Variants in YJU2 observed in about 807,000 individuals in gnomAD.
The protein encoded by YJU2 is splicing factor YJU2.
A neutral mutation model predicts 39.6 loss-of-function variants in YJU2; 28 were observed. That is an observed-to-expected ratio of 0.71 (90% CI 0.52 to 0.97). The LOEUF is 0.97. Among genes scored for constraint, YJU2 ranks in the 50% least tolerant of loss-of-function variants. The pLI, the probability that YJU2 is intolerant of heterozygous loss-of-function variation, is 0.00. For missense variants in YJU2, 328 were observed against 430.4 expected (o/e 0.76, Z 2.11); for synonymous variants, 184 against 182.4 (o/e 1.01, Z -0.07).
At position 4,251,154 on chromosome 19, in the gene YJU2, G is replaced by A; in HGVS notation, c.253G>A (p.Ala85Thr). 1 of 1,613,986 alleles carries A rather than the reference G, an allele frequency of 6.2e-7. No individual in the cohort carries two copies. Among genetic ancestry groups the A allele is most frequent in the Non-Finnish European group, 8.5e-7 (1 of 1,179,978 alleles). Residue 85 changes from alanine (A) to threonine (T), a missense_variant, in exon 3 of 8, where the codon GCA becomes ACA. Physicochemically the swap from Ala to Thr is moderately conservative, Grantham distance 58. Coordinates refer to ENST00000262962, the MANE Select transcript of YJU2 (RefSeq NM_018074.6). ...TTACATCAAGTGCACGCGCTGCCTGGCAGAGATCACCTTCAAGGTAGGTGA... is the reference window on the plus strand; with the variant it reads ...TTACATCAAGTGCACGCGCTGCCTGACAGAGATCACCTTCAAGGTAGGTGA... ...RFYIKCTRCL[A>T]EITFKTDPEN... is the part of the protein sequence containing the mutation.
chr19:4,267,856 G>C lies in YJU2; in HGVS notation c.859+82G>C, dbSNP rs184119530. On this transcript the variant is annotated intron_variant, in intron 7 of 7. Coordinates refer to ENST00000262962, the MANE Select transcript of YJU2 (RefSeq NM_018074.6). ...CAGCAGCTCCCTTTGCAGTTACAGA[G>C]ACTTCATGGGGTGGGTGGGGGCGGC... The C allele has an allele frequency of 1.2e-5, 16 of 1,355,678 alleles. No individual in the cohort carries two copies. The Admixed American group carries it at 3.3e-4, about 28-fold the overall frequency. The allele number at this position is 1,355,678 out of a possible 1,614,324, so 84.0% of individuals were successfully genotyped here.
chr19:4,258,456 T>TCGCAGCCTCTGCCCCGGCAGG (rs1163685349), intron 5 of YJU2, 33 bp downstream of exon 5: 27 of 1,550,454 alleles, frequency 1.7e-5, no homozygotes, highest in Admixed American at 7.9e-5. Flanking sequence ...CAGCCCCACC[T>TCGCAGCCTCTGCCCCGGCAGG]CGCAGCCTCT....
At chr19:4,252,118 T>TATTCA (rs1268765964) in intron 3 of YJU2, among the ~76,000 whole-genome samples, 1 of 152,184 alleles carries the variant, frequency 6.6e-6, no homozygotes, top group Non-Finnish European at 1.5e-5. Flanking sequence ...TTCCTATGCT[T>TATTCA]AAGTACTCTT....
Position 4,268,659 on chromosome 19 carries a change from C to T in YJU2, c.935C>T (p.Ala312Val). The change falls in exon 8 of 8, where the codon GCA becomes GTA. Residue 312 changes from alanine (A) to valine (V), a missense_variant. Ala to Val is a moderately conservative substitution (Grantham distance 64, BLOSUM62 0). Coordinates refer to ENST00000262962, the MANE Select transcript of YJU2 (RefSeq NM_018074.6). ...GCGTCCTCCCTGAGCCAACTGGGTGCATACCTGGACAGTGACGACAGCAAC... is the reference window on the plus strand; with the variant it reads ...GCGTCCTCCCTGAGCCAACTGGGTGTATACCTGGACAGTGACGACAGCAAC... ...PGASSLSQLGAYLDSDDSNGS... is the reference protein window; with the variant it reads ...PGASSLSQLGVYLDSDDSNGS... 1.2e-6 allele frequency: 2 copies of T among 1,613,886 alleles called. No individual in the cohort carries two copies. Among genetic ancestry groups the T allele is most frequent in the South Asian group, 2.2e-5 (2 of 91,068 alleles).
chr19:4,248,735 A>T (rs914928343), intron 1 of YJU2, among the ~76,000 whole-genome samples: 1 of 152,184 alleles, frequency 6.6e-6, no homozygotes, highest in East Asian at 1.9e-4. Flanking sequence ...CCTGGCCAAC[A>T]TGGTGAAACC....
At chr19:4,249,036 A>G (rs7248755) in intron 1 of YJU2, among the ~76,000 whole-genome samples, 192 bp from the exon 2 acceptor site, 58,930 of 151,968 alleles carry the variant, frequency 0.39, 12,750 homozygotes, top group African/African-American at 0.58. Context: ...TAACTCCACT[A>G]GGAGAGAGTC....
At chr19:4,254,591 G>T (rs1241847013) in intron 4 of YJU2, 102 bp downstream of exon 4, 1 of 1,434,924 alleles carries the variant, frequency 7.0e-7, no homozygotes, top group Non-Finnish European at 9.2e-7. Flanking sequence ...AAGGAAGGAA[G>T]ATGGGGTGGG....
chr19:4,263,409 C>G lies in YJU2; in HGVS notation c.708+1295C>G, dbSNP rs919928269. Reference sequence around the variant, plus strand: ...TCAGATGCGGCCCACCTCAGTTCTTCTCTCATGCCAGAGGCCACAGCATAG... The same window carrying G: ...TCAGATGCGGCCCACCTCAGTTCTTGTCTCATGCCAGAGGCCACAGCATAG... On this transcript the variant is annotated intron_variant, in intron 6 of 7. Transcript: ENST00000262962. Among the ~76,000 whole-genome samples the G allele has an allele frequency of 6.6e-5, 10 of 152,198 alleles. No individual in the cohort carries two copies. The South Asian group carries it at 2.1e-3, about 31-fold the overall frequency.
At chr19:4,268,496 C>T in intron 7 of YJU2, 88 bp from the exon 8 acceptor site, 1 of 896,514 alleles carries the variant, frequency 1.1e-6, no homozygotes, top group South Asian at 1.5e-5. Flanking sequence ...CTGGACCTTG[C>T]AAACCTGCAG....
Position 4,261,978 on chromosome 19 carries a change from A to G in YJU2, c.588-16A>G. The stretch of plus-strand genomic sequence containing the variant: ...CCAAACAGAGCACGTCCAAGTTCCC[A>G]TCTTCCATCCCACAGGGCCCTGTTG... On this transcript the variant is annotated splice_polypyrimidine_tract_variant and intron_variant, in intron 5 of 7. Transcript: ENST00000262962. 6.2e-7 allele frequency: 1 copy of G among 1,611,872 alleles called. No homozygotes were observed. Among genetic ancestry groups the G allele is most frequent in the South Asian group, 1.1e-5 (1 of 90,990 alleles).
In YJU2 at chr19:4,247,573, GGGGTGGCGC is replaced by G. The variant is rs1568359430; in HGVS notation, c.24+405_24+413del. Among the ~76,000 whole-genome samples the G allele has an allele frequency of 4.2e-4, 37 of 87,680 alleles. 6 individuals carry two copies. Among genetic ancestry groups the G allele is most frequent in the African/African-American group, 3.2e-3 (33 of 10,320 alleles). The allele number at this position is 87,680 out of a possible 152,430, so 57.5% of individuals were successfully genotyped here. ...TCGTGTACTTTGGGTGGGGTGGGGT[GGGGTGGCGC>G]GTGTGTGTGTGTGTGTGTGTGTGTG... On this transcript the variant is annotated intron_variant, in intron 1 of 7. Transcript: ENST00000262962.
intron 4 of YJU2, among the ~76,000 whole-genome samples, chr19:4,257,852 T>C (rs962807096): frequency 1.7e-4 from 26 of 151,966 alleles, no homozygotes; most frequent in Admixed American, 1.6e-3. Flanking sequence ...ATCCGCCCGC[T>C]CCGGCCTCCC....
intron 4 of YJU2, among the ~76,000 whole-genome samples, chr19:4,256,193 T>A (rs796292371): frequency 0.04 from 5,805 of 145,122 alleles, 187 homozygotes; most frequent in South Asian, 0.14. Flanking sequence ...TATATATATA[T>A]ATATATATAT....
In YJU2 at chr19:4,263,304, C is replaced by T. The variant is rs187659234; in HGVS notation, c.708+1190C>T. Among the ~76,000 whole-genome samples the T allele has an allele frequency of 2.5e-3, 384 of 152,280 alleles. 1 individual carries two copies. The highest frequency in any genetic ancestry group is 8.9e-3 in the African/African-American group (368 of 41,566). On this transcript the variant is annotated intron_variant, in intron 6 of 7. Transcript: ENST00000262962. ...CTTCCTTCTGGAGCACGGCTTCCTG[C>T]GCTGTGGCCACAGCTGGCTCAGAGC...
rs1568359657 is a variant in YJU2, at chr19:4,247,645, GTGTGT to G, written c.24+476_24+480del. Among the ~76,000 whole-genome samples, 61 of 67,676 alleles carry G rather than the reference GTGTGT, an allele frequency of 9.0e-4. 5 individuals are homozygous for G. The highest frequency in any genetic ancestry group is 3.5e-3 in the South Asian group (5 of 1,416). The allele number at this position is 67,676 out of a possible 152,430, so 44.4% of individuals were successfully genotyped here. ...TGTGTGTGTGTGTGTGTGTGTGTGT[GTGTGT>G]GTGTGTGTGTGTGTGTGTGTGTGTG... is the stretch of plus-strand genomic sequence containing the variant. On this transcript the variant is annotated intron_variant, in intron 1 of 7. Transcript: ENST00000262962.
chr19:4,262,000 G>C lies in YJU2; in HGVS notation c.594G>C (p.Leu198=). 2 of 1,613,344 alleles carry C rather than the reference G, an allele frequency of 1.2e-6. No individual in the cohort carries two copies. Among genetic ancestry groups the C allele is most frequent in the Non-Finnish European group, 1.7e-6 (2 of 1,179,910 alleles). The change falls in exon 6 of 8, where the codon CTG becomes CTC. Residue 198 remains leucine (L), a synonymous_variant. Transcript: ENST00000262962. ...QEEDEQETAA[L]LEEARKRRLL... is the part of the protein sequence containing the mutation. ...CCCATCTTCCATCCCACAGGGCCCTGTTGGAGGAAGCCAGAAAGCGAAGAC... is the reference window on the plus strand; with the variant it reads ...CCCATCTTCCATCCCACAGGGCCCTCTTGGAGGAAGCCAGAAAGCGAAGAC...
rs113145144 is a variant in YJU2, at chr19:4,257,586, G to A, written c.406-656G>A. 3.9e-3 allele frequency among the ~76,000 whole-genome samples: 592 copies of A among 152,284 alleles called. 1 individual carries two copies. The highest frequency in any genetic ancestry group is 6.6e-3 in the Non-Finnish European group (449 of 68,030). On this transcript the variant is annotated intron_variant, in intron 4 of 7. Transcript: ENST00000262962. ...CCTCCCGGGTTCAAGCAATTCTCCT[G>A]CCTCAGCCTCCCAAGTAGCTGGGAT...
chr19:4,256,180 AAATATATAT>A (rs199554049), intron 4 of YJU2, among the ~76,000 whole-genome samples: 3,847 of 106,482 alleles, frequency 0.036, 63 homozygotes, highest in African/African-American at 0.073. Flanking sequence ...AAAAAAAAAA[AAATATATAT>A]ATATATATAT....
At chr19:4,259,041 C>G (rs1482932339) in intron 5 of YJU2, among the ~76,000 whole-genome samples, 1 of 150,982 alleles carries the variant, frequency 6.6e-6, no homozygotes, top group African/African-American at 2.4e-5. Flanking sequence ...TCTGAGGACA[C>G]AGCCTCAGGC....
Sources: allele counts gnomAD v4.1 joint callset (sites outside exome capture counted in the v4.1 genomes callset), GRCh38; gene constraint gnomAD v4.1.1; transcripts MANE v1.5; gene names NCBI Gene and HGNC (gene_info 2026-07-23, HGNC 2026-07-21).